Variants in PLLP observed in about 807,000 individuals in gnomAD.
The protein encoded by PLLP is plasma membrane proteolipid (plasmolipin).
Under a neutral mutation model 19.7 loss-of-function variants are expected in PLLP, and 15 were observed. The observed-to-expected ratio is 0.76, with a 90% CI of 0.51 to 1.17. PLLP has a LOEUF of 1.17. Among genes scored for constraint, PLLP ranks in the 50% most tolerant of loss-of-function variants. The pLI, the probability that PLLP is intolerant of heterozygous loss-of-function variation, is 0.00. For missense variants in PLLP, 255 were observed against 258.3 expected, an observed-to-expected ratio of 0.99 and a Z score of 0.09; for synonymous variants, 111 against 116.3, an observed-to-expected ratio of 0.95 and a Z score of 0.29.
intron 1 of PLLP, among the ~76,000 whole-genome samples, chr16:57,282,876 T>A (rs1196250431): frequency 1.3e-5 from 2 of 152,200 alleles, no homozygotes; most frequent in African/African-American, 4.8e-5. Flanking sequence ...TTCCTGGTCG[T>A]GAAATTGCTC....
rs906232653 is a variant in PLLP, at chr16:57,284,612, C to T, written c.-72G>A. ...CCCTCCAGCGGTGGGTGCCGGCTCC[C>T]GCGCCGCTTTTCCCCCAGGCTCCGG... On this transcript the variant is annotated 5_prime_UTR_variant, in exon 1 of 4. Transcript: ENST00000219207. 1.6e-6 allele frequency: 2 copies of T among 1,266,892 alleles called. No homozygotes were observed. The highest frequency in any genetic ancestry group is 1.5e-5 in the African/African-American group (1 of 65,408). The allele number at this position is 1,266,892 out of a possible 1,614,324, so 78.5% of individuals were successfully genotyped here.
At chr16:57,274,886 C>A (rs936751066) in intron 1 of PLLP, among the ~76,000 whole-genome samples, 1 of 152,062 alleles carries the variant, frequency 6.6e-6, no homozygotes, top group Admixed American at 6.6e-5. Context: ...CTCAGCCTCC[C>A]GAGTAGCTGG....
At chr16:57,262,775 G>T (rs1265675731) in intron 1 of PLLP, among the ~76,000 whole-genome samples, 1 of 152,032 alleles carries the variant, frequency 6.6e-6, no homozygotes, top group African/African-American at 2.4e-5. Context: ...GACTTGGCTC[G>T]TGTGATACAC....
rs2146436514 is a variant in PLLP, at chr16:57,257,153, T to C, written c.433-124A>G. 4.3e-6 allele frequency: 3 copies of C among 692,660 alleles called. No homozygotes were observed. In the Admixed American group the frequency reaches 6.4e-5, roughly 15 times the overall value. 42.9% of individuals were successfully genotyped at this position (692,660 alleles called of 1,614,324 possible). On this transcript the variant is annotated intron_variant, in intron 3 of 3. Coordinates refer to ENST00000219207, the MANE Select transcript of PLLP (RefSeq NM_015993.3). ...ACCATCTCACACTTAGCCAGATGCA[T>C]TTCACAGCTGTTTATCATGGGGCTG...
chr16:57,259,773 T>A (rs748578928), intron 2 of PLLP, among the ~76,000 whole-genome samples: 5 of 152,060 alleles, frequency 3.3e-5, no homozygotes, highest in Non-Finnish European at 7.4e-5. Flanking sequence ...GGTCAGAAGT[T>A]AGAGACCAGC....
In PLLP at chr16:57,256,723, G is replaced by A. The variant is rs1466490732; in HGVS notation, c.*190C>T. 3.5e-5 allele frequency: 20 copies of A among 563,766 alleles called. No individual in the cohort carries two copies. The East Asian group carries it at 4.3e-4, about 12-fold the overall frequency. 34.9% of individuals were successfully genotyped at this position (563,766 alleles called of 1,614,324 possible). On this transcript the variant is annotated 3_prime_UTR_variant, in exon 4 of 4. Coordinates refer to ENST00000219207, the MANE Select transcript of PLLP (RefSeq NM_015993.3). ...CTCAGCAGTTGGCCTCCTGCAAGCC[G>A]AGATGCCTGCCAGCCTGGGCCTGCT...
chr16:57,257,823 A>G (rs2075430523), intron 3 of PLLP, among the ~76,000 whole-genome samples: 1 of 152,160 alleles, frequency 6.6e-6, no homozygotes, highest in South Asian at 2.1e-4. Flanking sequence ...TGTTTTTCAC[A>G]TTCTCCAAGG....
intron 1 of PLLP, among the ~76,000 whole-genome samples, chr16:57,264,369 G>A (rs1176135128): frequency 6.6e-6 from 1 of 152,216 alleles, no homozygotes; most frequent in South Asian, 2.1e-4. Flanking sequence ...TGCTGACCGA[G>A]TACCTTCCCT....
intron 1 of PLLP, among the ~76,000 whole-genome samples, chr16:57,266,261 G>A (rs568508509): frequency 1.8e-4 from 27 of 152,190 alleles, no homozygotes; most frequent in South Asian, 4.1e-4. Flanking sequence ...CGAACACAGC[G>A]TCCAGATGAA....
intron 1 of PLLP, among the ~76,000 whole-genome samples, chr16:57,268,759 G>A (rs1324022486): frequency 6.6e-6 from 1 of 152,142 alleles, no homozygotes; most frequent in Non-Finnish European, 1.5e-5. Flanking sequence ...GTAGTTTTGA[G>A]CAAGGAACTT....
Position 57,266,863 on chromosome 16 carries a change from CTTT to C in PLLP, c.136-4796_136-4794del, listed in dbSNP as rs34562097. On this transcript the variant is annotated intron_variant, in intron 1 of 3. Transcript: ENST00000219207. ...TCTGGAAATCTCAAGGGCACAGGGCCTTTTTTTTTTTTTTTTTTTTTGCTTTTC... is the reference window on the plus strand; with the variant it reads ...TCTGGAAATCTCAAGGGCACAGGGCCTTTTTTTTTTTTTTTTTTGCTTTTC... Among the ~76,000 whole-genome samples the C allele has an allele frequency of 5.4e-3, 522 of 97,318 alleles. 2 individuals carry two copies. The highest frequency in any genetic ancestry group is 0.018 in the African/African-American group (478 of 25,962). The allele number at this position is 97,318 out of a possible 152,430, so 63.8% of individuals were successfully genotyped here. A position where few individuals can be genotyped will look rare whatever the true frequency, so the allele number is the denominator to read the frequency against.
intron 1 of PLLP, among the ~76,000 whole-genome samples, chr16:57,277,554 G>A (rs985920026): frequency 6.6e-6 from 1 of 152,166 alleles, no homozygotes; most frequent in African/African-American, 2.4e-5. Context: ...TCACGTCACT[G>A]CACTCCAGCC....
chr16:57,256,654 A>AT lies in PLLP; in HGVS notation c.*258dup, dbSNP rs1198982742. 4.3e-5 allele frequency: 20 copies of AT among 469,198 alleles called. No individual in the cohort carries two copies. The highest frequency in any genetic ancestry group is 7.7e-5 in the Non-Finnish European group (20 of 259,230). 29.1% of individuals were successfully genotyped at this position (469,198 alleles called of 1,614,324 possible). ...AGACAAGGCAGAGACACAGCCTCAG[A>AT]TCCCCCGTCATCTTCCACTGAATAA... On this transcript the variant is annotated 3_prime_UTR_variant, in exon 4 of 4. Coordinates refer to ENST00000219207, the MANE Select transcript of PLLP (RefSeq NM_015993.3).
At chr16:57,266,141 T>C (rs1382100346) in intron 1 of PLLP, among the ~76,000 whole-genome samples, 4 of 152,214 alleles carry the variant, frequency 2.6e-5, no homozygotes, top group African/African-American at 9.6e-5. Flanking sequence ...ACACTTCAGC[T>C]GGCTCTAGGA....
intron 1 of PLLP, among the ~76,000 whole-genome samples, chr16:57,264,133 C>T (rs759499620): frequency 6.6e-6 from 1 of 152,114 alleles, no homozygotes; most frequent in South Asian, 2.1e-4. Flanking sequence ...AAAGCAACCT[C>T]GTCGAGGACC....
chr16:57,258,822 G>C (rs561194241), intron 2 of PLLP, among the ~76,000 whole-genome samples: 12 of 147,664 alleles, frequency 8.1e-5, no homozygotes, highest in Non-Finnish European at 1.6e-4. Flanking sequence ...TTGGGAGGCT[G>C]AGATGGGAAG....
At chr16:57,267,927 G>A (rs939396212) in intron 1 of PLLP, among the ~76,000 whole-genome samples, 2 of 151,852 alleles carry the variant, frequency 1.3e-5, no homozygotes, top group Non-Finnish European at 2.9e-5. Flanking sequence ...AATAGTGTTT[G>A]CAGACATGCT....
chr16:57,258,595 TG>T lies in PLLP; in HGVS notation c.310-12del. The T allele has an allele frequency of 1.2e-6, 2 of 1,611,118 alleles. No homozygotes were observed. Among genetic ancestry groups the T allele is most frequent in the African/African-American group, 1.3e-5 (1 of 74,702 alleles). On this transcript the variant is annotated splice_polypyrimidine_tract_variant and intron_variant, in intron 2 of 3. Coordinates refer to ENST00000219207, the MANE Select transcript of PLLP (RefSeq NM_015993.3). ...GTTAAAGATCATTAACTGCAGGACA[TG>T]GGGGTAGGGAGTGGGGAGAGAAAAG...
At chr16:57,272,740 C>T (rs1159480032) in intron 1 of PLLP, among the ~76,000 whole-genome samples, 1 of 151,498 alleles carries the variant, frequency 6.6e-6, no homozygotes, top group African/African-American at 2.4e-5. Context: ...ACGCTTGAGC[C>T]CAGGAATTTG....
Sources: allele counts gnomAD v4.1 joint callset (sites outside exome capture counted in the v4.1 genomes callset), GRCh38; gene constraint gnomAD v4.1.1; transcripts MANE v1.5; gene names NCBI Gene and HGNC (gene_info 2026-07-23, HGNC 2026-07-21).